ADCY1: variants seen among roughly 807,000 people sequenced by gnomAD.
ADCY1 encodes the protein adenylate cyclase type 1.
Under a neutral mutation model 105.4 loss-of-function variants are expected in ADCY1, and 28 were observed. That is an observed-to-expected ratio of 0.27 (90% CI 0.20 to 0.36). ADCY1 has a LOEUF of 0.36. ADCY1 is among the 10% of genes least tolerant of loss of function. ADCY1 has a pLI of 1.00. For synonymous variants in ADCY1, 655 were observed against 623.8 expected (o/e 1.05, Z -0.75); for missense variants, 977 against 1,434.2 (o/e 0.68, Z 5.15).
intron 5 of ADCY1, among the ~76,000 whole-genome samples, chr7:45,650,205 T>G (rs781436975): frequency 7.2e-5 from 11 of 152,192 alleles, no homozygotes; most frequent in Non-Finnish European, 1.5e-4. Context: ...TCATGTAATA[T>G]ATATCACATA....
At chr7:45,649,810 C>T (rs1422417532) in intron 5 of ADCY1, among the ~76,000 whole-genome samples, 2 of 152,202 alleles carry the variant, frequency 1.3e-5, no homozygotes, top group Non-Finnish European at 2.9e-5. Context: ...AACACGGCTT[C>T]ATGTCAGAGT....
chr7:45,691,323 T>C lies in ADCY1; in HGVS notation c.2454+4650T>C, dbSNP rs189127224. Among the ~76,000 whole-genome samples, 384 of 152,342 alleles carry C rather than the reference T, an allele frequency of 2.5e-3. 3 individuals are homozygous for C. The highest frequency in any genetic ancestry group is 1.2e-3 in the South Asian group (6 of 4,824). ...GTTGCCCACATGGAGTATACTGCCA[T>C]GTTTGTCCACAGATAGGTAACAACA... On this transcript the variant is annotated intron_variant, in intron 14 of 19. Coordinates refer to ENST00000297323, the MANE Select transcript of ADCY1 (RefSeq NM_021116.4).
intron 4 of ADCY1, among the ~76,000 whole-genome samples, chr7:45,643,604 C>T (rs1018362852): frequency 2.0e-5 from 3 of 151,926 alleles, no homozygotes; most frequent in African/African-American, 7.3e-5. Context: ...AGGTTTATTT[C>T]ATTTTGGTTT....
intron 8 of ADCY1, among the ~76,000 whole-genome samples, chr7:45,672,022 C>T (rs1405185917): frequency 6.6e-6 from 1 of 152,126 alleles, no homozygotes; most frequent in Non-Finnish European, 1.5e-5. Context: ...TTTTACATAG[C>T]CCAAGTCCCC....
chr7:45,584,597 C>T (rs1045172967), intron 1 of ADCY1, among the ~76,000 whole-genome samples: 7 of 152,230 alleles, frequency 4.6e-5, no homozygotes, highest in Admixed American at 3.9e-4. Context: ...GTCCTTCTAG[C>T]GCCCTTCCCT....
chr7:45,610,665 G>A (rs1793510605), intron 3 of ADCY1, among the ~76,000 whole-genome samples, 168 bp downstream of exon 3: 2 of 141,256 alleles, frequency 1.4e-5, no homozygotes, highest in Non-Finnish European at 3.1e-5. Context: ...TGATGGAAGT[G>A]AGAAGGTGAT....
At chr7:45,682,660 T>C (rs866179134) in intron 11 of ADCY1, among the ~76,000 whole-genome samples, 2 of 152,122 alleles carry the variant, frequency 1.3e-5, no homozygotes, top group South Asian at 4.2e-4. Context: ...CCATCCTCCT[T>C]CTCGCCGTCC....
Position 45,574,888 on chromosome 7 carries a change from G to C in ADCY1, c.345G>C (p.Gln115His). Reference protein sequence around the residue: ...LLVVTNVRSLQVPQLQQVGQL... With the variant: ...LLVVTNVRSLHVPQLQQVGQL... ...TGGTAACCAACGTCCGGTCCCTGCA[G>C]GTGCCCCAGCTGCAGCAGGTCGGCC... The change falls in exon 1 of 20, where the codon CAG (glutamine) becomes CAC (histidine). Residue 115 changes from glutamine (Q) to histidine (H), a missense_variant. By Grantham distance (24) the Gln-to-His change is conservative. Around this residue, in one of 7 missense-constraint regions of ADCY1, gnomAD observed 209 missense variants for 222.5 expected, o/e 0.94. Coordinates refer to ENST00000297323, the MANE Select transcript of ADCY1 (RefSeq NM_021116.4). The surrounding 1 kb of genome is among the most constrained non-coding windows in gnomAD (Gnocchi z 7.0). The C allele has an allele frequency of 6.2e-7, 1 of 1,611,974 alleles. No homozygotes were observed. The highest frequency in any genetic ancestry group is 1.7e-4 in the Middle Eastern group (1 of 5,994).
chr7:45,587,032 G>C (rs1792749873), intron 1 of ADCY1, among the ~76,000 whole-genome samples: 1 of 152,246 alleles, frequency 6.6e-6, no homozygotes, highest in Non-Finnish European at 1.5e-5. Flanking sequence ...CCCAGGCTGA[G>C]AGACTGTGCT....
intron 14 of ADCY1, among the ~76,000 whole-genome samples, chr7:45,688,687 C>T (rs906858379): frequency 1.3e-5 from 2 of 152,130 alleles, no homozygotes; most frequent in African/African-American, 2.4e-5. Flanking sequence ...TATACATGTG[C>T]TCACAAATGC....
chr7:45,660,358 G>C (rs554464870), intron 7 of ADCY1, among the ~76,000 whole-genome samples, 175 bp downstream of exon 7: 1 of 152,204 alleles, frequency 6.6e-6, no homozygotes, highest in Non-Finnish European at 1.5e-5. Flanking sequence ...TCTCTTACTG[G>C]TGTGGGGAGG....
Position 45,575,243 on chromosome 7 carries a change from A to G in ADCY1, c.639+61A>G. 6.6e-7 allele frequency: 1 copy of G among 1,511,486 alleles called. No homozygotes were observed. The highest frequency in any genetic ancestry group is 8.8e-7 in the Non-Finnish European group (1 of 1,136,836). 93.6% of individuals were successfully genotyped at this position (1,511,486 alleles called of 1,614,324 possible). On this transcript the variant is annotated intron_variant, in intron 1 of 19. Transcript: ENST00000297323. The surrounding 1 kb of genome is among the most constrained non-coding windows in gnomAD (Gnocchi z 4.7). ...ACACACTTGCTGGGACGATGCTGGG[A>G]ATGCCCGGAGTCGGGCGCGCTTTTT...
Position 45,657,902 on chromosome 7 carries a change from G to T in ADCY1, c.1307+17G>T, listed in dbSNP as rs1472010447. The T allele has an allele frequency of 3.2e-6, 5 of 1,574,764 alleles. No homozygotes were observed. The highest frequency in any genetic ancestry group is 4.3e-6 in the Non-Finnish European group (5 of 1,153,124). ...CCTGCCAGGGTAAGTCGGGGATGGG[G>T]TGGGGAGGGGAGGGAGGTGGGTGAT... On this transcript the variant is annotated intron_variant, in intron 6 of 19. Coordinates refer to ENST00000297323, the MANE Select transcript of ADCY1 (RefSeq NM_021116.4).
intron 1 of ADCY1, among the ~76,000 whole-genome samples, chr7:45,579,729 C>T (rs955787228): frequency 3.3e-5 from 5 of 152,150 alleles, no homozygotes; most frequent in African/African-American, 7.2e-5. Flanking sequence ...GGTGGCCTGG[C>T]GACCTGAAGG....
In ADCY1 at chr7:45,591,761, G is replaced by A. The variant is rs990847269; in HGVS notation, c.640-998G>A. On this transcript the variant is annotated intron_variant, in intron 1 of 19. Transcript: ENST00000297323. This position sits in a 1 kb window ranked among gnomAD's most constrained non-coding sequence, Gnocchi z 4.1. ...TAGAGACAGATCAGATGAGGAGACC[G>A]GCAGCAGGCAGTGGGGAGTGGGAAG... Among the ~76,000 whole-genome samples, 17 of 152,194 alleles carry A rather than the reference G, an allele frequency of 1.1e-4. No individual in the cohort carries two copies. Among genetic ancestry groups the A allele is most frequent in the African/African-American group, 4.1e-4 (17 of 41,444 alleles).
chr7:45,583,865 C>T (rs1015466270), intron 1 of ADCY1, among the ~76,000 whole-genome samples: 1 of 151,432 alleles, frequency 6.6e-6, no homozygotes, highest in African/African-American at 2.4e-5. Flanking sequence ...GTCTCGAACT[C>T]CTGACCTCAG....
At chr7:45,657,947 A>G in intron 6 of ADCY1, 62 bp downstream of exon 6, 4 of 1,524,728 alleles carry the variant, frequency 2.6e-6, no homozygotes, top group Non-Finnish European at 3.5e-6. Context: ...CCCCTGGGCT[A>G]AATCCTTGCT....
chr7:45,581,800 A>G (rs575809669), intron 1 of ADCY1, among the ~76,000 whole-genome samples: 2 of 152,060 alleles, frequency 1.3e-5, no homozygotes, highest in Non-Finnish European at 2.9e-5. Flanking sequence ...AACATACACA[A>G]ACACACATGC....
In ADCY1 at chr7:45,710,427, C is replaced by T. The variant is rs1308961764; in HGVS notation, c.2933-101C>T. On this transcript the variant is annotated intron_variant, in intron 18 of 19. Transcript: ENST00000297323. This position sits in a 1 kb window ranked among gnomAD's most constrained non-coding sequence, Gnocchi z 4.7. ...GAAACAAAGCCCTGAAAGGAGCAGC[C>T]TTTTCTCCACCAGGAGCAGCATCAG... 1 of 1,517,738 alleles carries T rather than the reference C, an allele frequency of 6.6e-7. No homozygotes were observed. The highest frequency in any genetic ancestry group is 8.9e-7 in the Non-Finnish European group (1 of 1,124,964). 94.0% of individuals were successfully genotyped at this position (1,517,738 alleles called of 1,614,324 possible).
Sources: gnomAD v4.1 joint callset for allele counts (sites outside exome capture counted in the v4.1 genomes callset) on GRCh38, gnomAD v4.1.1 for gene constraint, gnomAD v4.1.1 regional missense constraint, Gnocchi (gnomAD v3.1) non-coding constraint, MANE v1.5 for transcripts, NCBI Gene and HGNC (gene_info 2026-07-23, HGNC 2026-07-21) for gene names.